IL15: variants seen among roughly 807,000 people sequenced by gnomAD.
The protein encoded by IL15 is interleukin 15, also known as interleukin-15.
Under a neutral mutation model 19.6 loss-of-function variants are expected in IL15, and 11 were observed. That is an observed-to-expected ratio of 0.56 (90% confidence interval 0.35 to 0.93). The LOEUF (loss-of-function observed/expected upper bound fraction) is 0.93, where lower values mean the gene tolerates loss of function less well. Among genes scored for constraint, IL15 ranks in the 40% least tolerant of loss-of-function variants. The pLI, the probability that IL15 is intolerant of heterozygous loss-of-function variation, is 0.01. For synonymous variants in IL15, 58 were observed against 59.6 expected (o/e 0.97, Z 0.12); for missense variants, 197 against 186.5 (o/e 1.06, Z -0.33).
intron 2 of IL15, among the ~76,000 whole-genome samples, chr4:141,705,140 A>C (rs986817743): frequency 6.6e-6 from 1 of 151,300 alleles, no homozygotes; most frequent in Non-Finnish European, 1.5e-5. Context: ...GTTTGTTCTT[A>C]TTATTTTTAG....
At chr4:141,716,418 T>A (rs901046286) in intron 2 of IL15, 1 of 152,402 alleles carries the variant, frequency 6.6e-6, no homozygotes, top group South Asian at 2.1e-4. Flanking sequence ...TGGCCCCAGC[T>A]GCAGCTTGAC....
At chr4:141,723,022 T>C (rs954694409) in intron 5 of IL15, among the ~76,000 whole-genome samples, 9 of 152,108 alleles carry the variant, frequency 5.9e-5, no homozygotes, top group African/African-American at 1.9e-4. Context: ...AGATTCAGCA[T>C]TCCTATGGTT....
chr4:141,671,439 T>C (rs1728172406), intron 2 of IL15, among the ~76,000 whole-genome samples: 1 of 152,236 alleles, frequency 6.6e-6, no homozygotes, highest in African/African-American at 2.4e-5. Flanking sequence ...AAATTAGTTA[T>C]GTGTTGTGTG....
intron 1 of IL15, among the ~76,000 whole-genome samples, chr4:141,650,634 T>C (rs1192611755): frequency 2.0e-5 from 3 of 152,136 alleles, no homozygotes; most frequent in Non-Finnish European, 4.4e-5. Context: ...TCTGCACTTA[T>C]TATTCTCTTC....
At chr4:141,699,757 G>C (rs1374534418) in intron 2 of IL15, among the ~76,000 whole-genome samples, 1 of 152,036 alleles carries the variant, frequency 6.6e-6, no homozygotes, top group Non-Finnish European at 1.5e-5. Context: ...CAGATATTTG[G>C]TTAGTGGCTG....
intron 2 of IL15, chr4:141,717,580 G>A (rs765128339): frequency 1.3e-5 from 2 of 152,308 alleles, no homozygotes; most frequent in African/African-American, 2.4e-5. Flanking sequence ...ATGAGCTTGT[G>A]TCCCTTGTAA....
chr4:141,693,460 G>A (rs1426711202), intron 2 of IL15, among the ~76,000 whole-genome samples: 4 of 152,212 alleles, frequency 2.6e-5, no homozygotes, highest in African/African-American at 4.8e-5. Context: ...TGACACATAC[G>A]GGATATTCAG....
chr4:141,678,166 AGAT>A (rs1344723920), intron 2 of IL15, among the ~76,000 whole-genome samples: 1 of 152,226 alleles, frequency 6.6e-6, no homozygotes, highest in Non-Finnish European at 1.5e-5. Context: ...TAGGAGATCC[AGAT>A]GGTCAGAAAT....
chr4:141,642,004 T>C (rs1262938851), intron 1 of IL15, among the ~76,000 whole-genome samples: 1 of 151,908 alleles, frequency 6.6e-6, no homozygotes, highest in Non-Finnish European at 1.5e-5. Context: ...AAAACCTGTA[T>C]TGGAGAATAA....
intron 5 of IL15, among the ~76,000 whole-genome samples, chr4:141,722,851 A>T (rs1730134549): frequency 6.6e-6 from 1 of 152,204 alleles, no homozygotes; most frequent in Admixed American, 6.5e-5. Context: ...ACCATATAGA[A>T]ATTATATAAC....
chr4:141,708,173 G>A (rs965868674), intron 2 of IL15, among the ~76,000 whole-genome samples: 2 of 152,164 alleles, frequency 1.3e-5, no homozygotes, highest in African/African-American at 4.8e-5. Flanking sequence ...CATGGCTAGT[G>A]GCTGTTTGGA....
chr4:141,694,612 C>G (rs79791074), intron 2 of IL15, among the ~76,000 whole-genome samples: 2 of 152,098 alleles, frequency 1.3e-5, no homozygotes, highest in East Asian at 3.9e-4. Flanking sequence ...ATTCTTAGAC[C>G]GTCTTTTTCC....
At chr4:141,706,772 A>G (rs577745542) in intron 2 of IL15, among the ~76,000 whole-genome samples, 1 of 151,988 alleles carries the variant, frequency 6.6e-6, no homozygotes, top group African/African-American at 2.4e-5. Context: ...CTGCTGAAAA[A>G]TCTGATAGTC....
intron 1 of IL15, among the ~76,000 whole-genome samples, chr4:141,650,961 C>G (rs1258713429): frequency 6.6e-6 from 1 of 152,060 alleles, no homozygotes; most frequent in African/African-American, 2.4e-5. Flanking sequence ...ATTAGGAAAG[C>G]TCCACATTTC....
chr4:141,677,668 C>G (rs1283797191), intron 2 of IL15, among the ~76,000 whole-genome samples: 1 of 152,196 alleles, frequency 6.6e-6, no homozygotes, highest in Non-Finnish European at 1.5e-5. Context: ...TCACTCACTT[C>G]AAACCAGCAA....
At chr4:141,732,096 A>C (rs1176168294) in intron 7 of IL15, among the ~76,000 whole-genome samples, 1 of 152,178 alleles carries the variant, frequency 6.6e-6, no homozygotes, top group Non-Finnish European at 1.5e-5. Context: ...CATAATATGA[A>C]TAGAATACAT....
chr4:141,650,611 T>C (rs1727372687), intron 1 of IL15, among the ~76,000 whole-genome samples: 1 of 152,084 alleles, frequency 6.6e-6, no homozygotes, highest in Non-Finnish European at 1.5e-5. Context: ...AATTGAACAA[T>C]ACATTTAATT....
intron 1 of IL15, among the ~76,000 whole-genome samples, chr4:141,637,827 G>A (rs185186134): frequency 5.1e-4 from 78 of 152,240 alleles, no homozygotes; most frequent in African/African-American, 1.8e-3. Flanking sequence ...CTAAGTGGAC[G>A]TCATCCTTAT....
chr4:141,654,694 G>A (rs1430940816), intron 1 of IL15, among the ~76,000 whole-genome samples: 1 of 152,166 alleles, frequency 6.6e-6, no homozygotes, highest in African/African-American at 2.4e-5. Flanking sequence ...TTTCTGCTGT[G>A]CAGTTATGGA....
Sources: gnomAD v4.1 joint callset for allele counts (sites outside exome capture counted in the v4.1 genomes callset) on GRCh38, gnomAD v4.1.1 for gene constraint, MANE v1.5 for transcripts, NCBI Gene and HGNC (gene_info 2026-07-23, HGNC 2026-07-21) for gene names.